The following SMARCC1 variants were observed in gnomAD, a reference collection of about 807,000 sequenced individuals.
SMARCC1 encodes SWI/SNF complex subunit SMARCC1.
SMARCC1 carries 43 observed loss-of-function variants against 147.4 expected under a neutral mutation model. That is an observed-to-expected ratio of 0.29 (90% CI 0.23 to 0.38). The LOEUF (loss-of-function observed/expected upper bound fraction) is 0.38, where lower values mean the gene tolerates loss of function less well. Ranked by LOEUF, SMARCC1 falls within the 10% of genes least tolerant of loss-of-function variation. SMARCC1 has a pLI of 1.00. For synonymous variants in SMARCC1, 495 were observed against 484.4 expected (o/e 1.02, Z -0.29); for missense variants, 1,119 against 1,381.1 (o/e 0.81, Z 3.01).
chr3:47,688,381 C>G (rs1239325657), intron 13 of SMARCC1, among the ~76,000 whole-genome samples: 1 of 150,464 alleles, frequency 6.6e-6, no homozygotes, highest in Non-Finnish European at 1.5e-5. Context: ...AATACTTTTC[C>G]GGAAATCCTG....
chr3:47,642,581 C>A (rs993184894), intron 21 of SMARCC1, among the ~76,000 whole-genome samples: 4 of 140,804 alleles, frequency 2.8e-5, no homozygotes, highest in African/African-American at 1.0e-4. Flanking sequence ...AAGGGCGAGA[C>A]TTTGTCCCAA....
intron 27 of SMARCC1, among the ~76,000 whole-genome samples, chr3:47,589,213 G>A (rs2032134759): frequency 6.6e-6 from 1 of 152,144 alleles, no homozygotes; most frequent in Non-Finnish European, 1.5e-5. Context: ...ATCCAGTGTG[G>A]CCTACCTAGT....
chr3:47,696,821 CCAAGTGTGAATAAATTTCGAAAGA>C (rs1211801599), intron 11 of SMARCC1, among the ~76,000 whole-genome samples: 2 of 152,086 alleles, frequency 1.3e-5, no homozygotes, highest in Non-Finnish European at 2.9e-5. Flanking sequence ...CCGCGCCCAG[CCAAGTGTGAATAAATTTCGAAAGA>C]CTAGATTTTC....
rs1051491483 is a variant in SMARCC1, at chr3:47,587,839, T to C, written c.*370A>G. The C allele has an allele frequency of 1.0e-4, 22 of 218,350 alleles. No homozygotes were observed. The highest frequency in any genetic ancestry group is 3.8e-4 in the African/African-American group (16 of 42,428). The allele number at this position is 218,350 out of a possible 1,614,324, so 13.5% of individuals were successfully genotyped here. On this transcript the variant is annotated 3_prime_UTR_variant, in exon 28 of 28. Coordinates refer to ENST00000254480, the MANE Select transcript of SMARCC1 (RefSeq NM_003074.4). ...GATAATGATTATATAGCATTATCCA[T>C]AGAAGCATAAGACAAAGCAAAAAAC...
chr3:47,677,696 C>T (rs1264394769), intron 16 of SMARCC1, among the ~76,000 whole-genome samples: 1 of 151,906 alleles, frequency 6.6e-6, no homozygotes, highest in Non-Finnish European at 1.5e-5. Context: ...TCATGTGCCA[C>T]CACGCTTGGC....
rs766536309 is a variant in SMARCC1, at chr3:47,585,731, T to C, written c.*2478A>G. ...AACAGTGGGTGAGGTACCCTCAAAA[T>C]GTATGTTCCTTACACATCATGAAGG... On this transcript the variant is annotated 3_prime_UTR_variant, in exon 28 of 28. Coordinates refer to ENST00000254480, the MANE Select transcript of SMARCC1 (RefSeq NM_003074.4). The C allele has an allele frequency of 2.6e-5, 4 of 152,246 alleles. No individual in the cohort carries two copies. The highest frequency in any genetic ancestry group is 6.5e-5 in the Admixed American group (1 of 15,290). The allele number at this position is 152,246 out of a possible 1,614,324, so 9.4% of individuals were successfully genotyped here. A position where few individuals can be genotyped will look rare whatever the true frequency, so the allele number is the denominator to read the frequency against.
chr3:47,719,853 A>C (rs2106808997), intron 7 of SMARCC1, among the ~76,000 whole-genome samples: 1 of 152,222 alleles, frequency 6.6e-6, no homozygotes, highest in East Asian at 1.9e-4. Flanking sequence ...CTCATGCCTC[A>C]GACACCTGAG....
At chr3:47,731,103 A>T (rs1471259804) in intron 5 of SMARCC1, among the ~76,000 whole-genome samples, 1 of 152,326 alleles carries the variant, frequency 6.6e-6, no homozygotes, top group Middle Eastern at 3.4e-3. Flanking sequence ...TACACACAGC[A>T]GAATTTCTTT....
chr3:47,701,171 A>T, intron 11 of SMARCC1, 107 bp downstream of exon 11: 1 of 845,302 alleles, frequency 1.2e-6, no homozygotes, highest in East Asian at 2.6e-5. Flanking sequence ...ATCTATTCAT[A>T]CTTGAAAGTC....
intron 4 of SMARCC1, among the ~76,000 whole-genome samples, chr3:47,737,459 T>G (rs1392354853): frequency 1.3e-5 from 2 of 152,082 alleles, no homozygotes; most frequent in East Asian, 3.9e-4. Context: ...TAGGTAAAAT[T>G]AATGAAGAAA....
At chr3:47,725,044 A>AAAAAG (rs1559655173) in intron 6 of SMARCC1, among the ~76,000 whole-genome samples, 2 of 150,638 alleles carry the variant, frequency 1.3e-5, no homozygotes, top group Non-Finnish European at 3.0e-5. Flanking sequence ...AAAAAAAAAA[A>AAAAAG]AAAAAAAAAA....
At chr3:47,641,099 T>C (rs1356825090) in intron 21 of SMARCC1, among the ~76,000 whole-genome samples, 1 of 152,180 alleles carries the variant, frequency 6.6e-6, no homozygotes, top group Non-Finnish European at 1.5e-5. Context: ...CCAACAGTAT[T>C]CTCTATATAA....
At chr3:47,656,787 G>A (rs1331856991) in intron 21 of SMARCC1, among the ~76,000 whole-genome samples, 1 of 151,896 alleles carries the variant, frequency 6.6e-6, no homozygotes, top group East Asian at 1.9e-4. Context: ...GGTGGTATGC[G>A]CCTGTAGTCC....
chr3:47,771,566 C>G (rs559544239), intron 2 of SMARCC1, among the ~76,000 whole-genome samples: 1 of 151,618 alleles, frequency 6.6e-6, no homozygotes, highest in Non-Finnish European at 1.5e-5. Context: ...ACAGTGAAAC[C>G]CCATATCTAC....
At chr3:47,590,914 T>C in intron 26 of SMARCC1, 77 bp from the exon 27 acceptor site, 2 of 1,156,590 alleles carry the variant, frequency 1.7e-6, no homozygotes, top group Non-Finnish European at 2.5e-6. Context: ...ATCCAACTCC[T>C]AAATACAAAT....
At chr3:47,742,620 T>C (rs2034522263) in intron 3 of SMARCC1, among the ~76,000 whole-genome samples, 1 of 152,208 alleles carries the variant, frequency 6.6e-6, no homozygotes, top group Non-Finnish European at 1.5e-5. Flanking sequence ...AGGGTCTCTG[T>C]CACCCAGGCT....
chr3:47,781,764 TC>T lies in SMARCC1; in HGVS notation c.33del (p.Thr12GlnfsTer3). 6.8e-7 allele frequency: 1 copy of T among 1,474,440 alleles called. No individual in the cohort carries two copies. The highest frequency in any genetic ancestry group is 1.3e-5 in the South Asian group (1 of 77,536). 91.3% of individuals were successfully genotyped at this position (1,474,440 alleles called of 1,614,324 possible). On this transcript the variant is annotated frameshift_variant, in exon 1 of 28. Coordinates refer to ENST00000254480, the MANE Select transcript of SMARCC1 (RefSeq NM_003074.4). LOFTEE classifies it high-confidence loss of function. Reference sequence around the variant, plus strand: ...CCCGAGCCCGTGGCGCCTACCGCTGTCCCCGGCCCGCCGCCGCCCGCCGCTG... The same window carrying T: ...CCCGAGCCCGTGGCGCCTACCGCTGTCCCGGCCCGCCGCCGCCCGCCGCTG... MAAAAGGGGP[G>X]TAVGATGSGI... is the part of the protein sequence containing the mutation.
chr3:47,693,382 T>A, intron 11 of SMARCC1, 82 bp from the exon 12 acceptor site: 2 of 772,548 alleles, frequency 2.6e-6, no homozygotes, highest in Non-Finnish European at 4.5e-6. Flanking sequence ...AGGACATGAT[T>A]AAACGACATG....
chr3:47,589,507 G>A (rs1002201336), intron 27 of SMARCC1, among the ~76,000 whole-genome samples: 5 of 152,160 alleles, frequency 3.3e-5, no homozygotes, highest in Non-Finnish European at 5.9e-5. Context: ...GGGTGGCTTG[G>A]CAAACATTTT....
Sources: gnomAD v4.1 joint callset for allele counts (sites outside exome capture counted in the v4.1 genomes callset) on GRCh38, gnomAD v4.1.1 for gene constraint, MANE v1.5 for transcripts, NCBI Gene and HGNC (gene_info 2026-07-23, HGNC 2026-07-21) for gene names.